L3MBTL3: variants seen among roughly 807,000 people sequenced by gnomAD.
L3MBTL3 encodes lethal(3)malignant brain tumor-like protein 3.
A neutral mutation model predicts 102.3 loss-of-function variants in L3MBTL3; 27 were observed. The observed-to-expected ratio is 0.26, with a 90% CI of 0.19 to 0.36. The LOEUF is 0.36. Ranked by LOEUF, L3MBTL3 falls within the 10% of genes least tolerant of loss-of-function variation. The probability of loss-of-function intolerance (pLI) is 1.00; values close to 1 mark genes in which losing one functional copy is unlikely to be tolerated. For missense variants in L3MBTL3, 798 were observed against 955.3 expected, an observed-to-expected ratio of 0.84 and a Z score of 2.17; for synonymous variants, 340 against 320.9, an observed-to-expected ratio of 1.06 and a Z score of -0.64.
At chr6:130,098,387 T>C (rs967488738) in intron 18 of L3MBTL3, among the ~76,000 whole-genome samples, 1 of 152,186 alleles carries the variant, frequency 6.6e-6, no homozygotes, top group Non-Finnish European at 1.5e-5. Flanking sequence ...GAGGCCAGTC[T>C]GGTGTAAACA....
At chr6:130,135,439 T>A (rs1125970) in intron 22 of L3MBTL3, among the ~76,000 whole-genome samples, 109,246 of 152,030 alleles carry the variant, frequency 0.72, 39,735 homozygotes, top group East Asian at 0.84. Context: ...AATGTCATGT[T>A]GTCATTACCT....
intron 13 of L3MBTL3, among the ~76,000 whole-genome samples, chr6:130,076,330 G>A (rs1415286267): frequency 6.6e-6 from 1 of 152,136 alleles, no homozygotes; most frequent in Non-Finnish European, 1.5e-5. Context: ...TTAGCTTTTG[G>A]CTGTGACTGA....
At chr6:130,040,444 A>T (rs1402125638) in intron 2 of L3MBTL3, among the ~76,000 whole-genome samples, 1 of 152,044 alleles carries the variant, frequency 6.6e-6, no homozygotes, top group Non-Finnish European at 1.5e-5. Context: ...TGCTTAACCG[A>T]GTTAGGCAGA....
At chr6:130,105,549 G>T (rs775398212) in intron 19 of L3MBTL3, among the ~76,000 whole-genome samples, 1 of 150,924 alleles carries the variant, frequency 6.6e-6, no homozygotes, top group Non-Finnish European at 1.5e-5. Flanking sequence ...TTGAGCCTGG[G>T]AGGTCGAGGC....
intron 14 of L3MBTL3, among the ~76,000 whole-genome samples, chr6:130,082,370 G>C (rs9492447): frequency 0.27 from 40,630 of 151,972 alleles, 6,065 homozygotes; most frequent in African/African-American, 0.37. Flanking sequence ...AAAATTAGTT[G>C]ATATTTTCCT....
At chr6:130,134,709 T>C (rs1787435073) in intron 22 of L3MBTL3, among the ~76,000 whole-genome samples, 1 of 152,210 alleles carries the variant, frequency 6.6e-6, no homozygotes, top group South Asian at 2.1e-4. Context: ...TCTCAGAAGG[T>C]GCTCTCCAAC....
chr6:130,126,862 G>T (rs1225611750), intron 20 of L3MBTL3, among the ~76,000 whole-genome samples: 2 of 152,188 alleles, frequency 1.3e-5, no homozygotes, highest in Non-Finnish European at 2.9e-5. Flanking sequence ...AAACGTGGGA[G>T]TCCTGCAAAT....
At chr6:130,049,980 T>C (rs1562265241) in intron 5 of L3MBTL3, 150 bp downstream of exon 5, 1 of 1,010,066 alleles carries the variant, frequency 9.9e-7, no homozygotes, top group Non-Finnish European at 1.4e-6. Context: ...GGAGTCATCC[T>C]GAATTTGTTC....
At chr6:130,060,869 A>T (rs1259310553) in intron 10 of L3MBTL3, among the ~76,000 whole-genome samples, 1 of 151,958 alleles carries the variant, frequency 6.6e-6, no homozygotes, top group Non-Finnish European at 1.5e-5. Context: ...TATCTATTTT[A>T]AAAATTCCTC....
At chr6:130,079,424 A>G (rs1177611758) in intron 14 of L3MBTL3, among the ~76,000 whole-genome samples, 3 of 152,066 alleles carry the variant, frequency 2.0e-5, no homozygotes, top group Non-Finnish European at 4.4e-5. Context: ...TCCTTGTTTT[A>G]TATCATTTTG....
intron 12 of L3MBTL3, 31 bp downstream of exon 12, chr6:130,068,452 A>G (rs764342122): frequency 7.8e-7 from 1 of 1,273,998 alleles, no homozygotes; most frequent in Non-Finnish European, 1.1e-6. Context: ...TTTTCTTTCA[A>G]AGGAAGAAGT....
chr6:130,075,077 A>G lies in L3MBTL3; in HGVS notation c.1245-3481A>G, dbSNP rs187112109. ...CACTATTTGGTTAAATTTGGGAAGC[A>G]CTGGTTGGTGGTGGTGATGGGAAGG... On this transcript the variant is annotated intron_variant, in intron 13 of 22. Transcript: ENST00000361794. 1.8e-3 allele frequency among the ~76,000 whole-genome samples: 277 copies of G among 152,246 alleles called. 1 individual carries two copies. Among genetic ancestry groups the G allele is most frequent in the African/African-American group, 5.9e-3 (247 of 41,550 alleles).
At chr6:130,024,667 T>C (rs1260099420) in intron 2 of L3MBTL3, among the ~76,000 whole-genome samples, 1 of 152,170 alleles carries the variant, frequency 6.6e-6, no homozygotes, top group Non-Finnish European at 1.5e-5. Flanking sequence ...ATCCCAAGGA[T>C]GGATAACTTG....
chr6:130,124,510 G>T (rs968317932), intron 20 of L3MBTL3, among the ~76,000 whole-genome samples: 1 of 152,098 alleles, frequency 6.6e-6, no homozygotes, highest in African/African-American at 2.4e-5. Context: ...GTGATGTTTT[G>T]CCTGGGAAGT....
intron 2 of L3MBTL3, among the ~76,000 whole-genome samples, chr6:130,038,580 T>G (rs930293483): frequency 2.6e-5 from 4 of 152,156 alleles, no homozygotes; most frequent in African/African-American, 7.2e-5. Flanking sequence ...TTGAGAAATA[T>G]CTGTGTAGAT....
intron 19 of L3MBTL3, among the ~76,000 whole-genome samples, chr6:130,107,311 A>T (rs572197453): frequency 1.3e-5 from 2 of 152,338 alleles, no homozygotes; most frequent in African/African-American, 4.8e-5. Flanking sequence ...CTAACTATTT[A>T]TTTAGAGTTT....
At chr6:130,129,320 A>G (rs1212677662) in intron 20 of L3MBTL3, among the ~76,000 whole-genome samples, 1 of 152,222 alleles carries the variant, frequency 6.6e-6, no homozygotes, top group African/African-American at 2.4e-5. Context: ...TAGACTGAAT[A>G]GATTAATTTG....
intron 2 of L3MBTL3, among the ~76,000 whole-genome samples, chr6:130,026,129 CA>C (rs1779326759): frequency 6.6e-6 from 1 of 152,102 alleles, no homozygotes; most frequent in African/African-American, 2.4e-5. Context: ...TGTTGATATA[CA>C]ATGTTAAGTG....
intron 19 of L3MBTL3, among the ~76,000 whole-genome samples, chr6:130,113,996 C>T (rs940792080): frequency 6.6e-6 from 1 of 152,124 alleles, no homozygotes; most frequent in African/African-American, 2.4e-5. Context: ...TCTTCTGGGC[C>T]GAGAGCTTCA....
Sources: gnomAD v4.1 joint callset for allele counts (sites outside exome capture counted in the v4.1 genomes callset) on GRCh38, gnomAD v4.1.1 for gene constraint, MANE v1.5 for transcripts, NCBI Gene and HGNC (gene_info 2026-07-23, HGNC 2026-07-21) for gene names.